The following SMYD3 variants were observed in gnomAD, a reference collection of about 807,000 sequenced individuals.
SMYD3 encodes SET and MYND domain containing 3, also known as histone-lysine N-methyltransferase SMYD3.
In SMYD3, 36 loss-of-function variants were observed where a neutral mutation model predicts 57.7. The ratio of observed to expected loss-of-function variants is 0.62; its 90% CI spans 0.48 to 0.82. SMYD3 has a LOEUF of 0.82. SMYD3 is among the 40% of genes least tolerant of loss of function. The probability of loss-of-function intolerance (pLI) is 0.00; values close to 1 mark genes in which losing one functional copy is unlikely to be tolerated. For synonymous variants in SMYD3, 211 were observed against 195.0 expected (o/e 1.08, Z -0.68); for missense variants, 515 against 538.8 (o/e 0.96, Z 0.44).
chr1:246,100,087 G>A (rs1411383450), intron 5 of SMYD3, among the ~76,000 whole-genome samples: 2 of 152,156 alleles, frequency 1.3e-5, no homozygotes, highest in African/African-American at 4.8e-5. Context: ...GGCTCATGCT[G>A]GTAGTCCCAG....
intron 5 of SMYD3, among the ~76,000 whole-genome samples, chr1:245,991,623 G>A (rs1270058121): frequency 1.3e-5 from 2 of 152,238 alleles, no homozygotes; most frequent in African/African-American, 4.8e-5. Context: ...TGTTTGCCAG[G>A]GGCTTGGGTT....
At chr1:245,903,116 T>C (rs2054302235) in intron 8 of SMYD3, among the ~76,000 whole-genome samples, 1 of 152,126 alleles carries the variant, frequency 6.6e-6, no homozygotes, top group Non-Finnish European at 1.5e-5. Flanking sequence ...CAGTTAATGA[T>C]CTGAATAAAT....
chr1:246,050,485 T>C (rs2060048449), intron 5 of SMYD3, among the ~76,000 whole-genome samples: 1 of 152,176 alleles, frequency 6.6e-6, no homozygotes, highest in Non-Finnish European at 1.5e-5. Flanking sequence ...TCTCTATCAC[T>C]GTTGAGGAAG....
chr1:246,423,360 G>C (rs1211153026), intron 1 of SMYD3, among the ~76,000 whole-genome samples: 1 of 151,726 alleles, frequency 6.6e-6, no homozygotes, highest in Non-Finnish European at 1.5e-5. Flanking sequence ...CAGAACAGAA[G>C]GTATTATAAG....
At chr1:246,010,048 G>A (rs1444736272) in intron 5 of SMYD3, among the ~76,000 whole-genome samples, 1 of 139,826 alleles carries the variant, frequency 7.2e-6, no homozygotes, top group African/African-American at 2.7e-5. Context: ...CTGGGAATGC[G>A]CCACTGCACT....
At chr1:245,795,803 C>T (rs1302916674) in intron 10 of SMYD3, among the ~76,000 whole-genome samples, 1 of 152,158 alleles carries the variant, frequency 6.6e-6, no homozygotes. Flanking sequence ...GCTCTTGTCC[C>T]CTCTCTCCCT....
intron 8 of SMYD3, among the ~76,000 whole-genome samples, chr1:245,884,460 TGAG>T (rs1162481364): frequency 1.3e-5 from 2 of 152,092 alleles, no homozygotes; most frequent in Non-Finnish European, 2.9e-5. Context: ...TAGACAAGCT[TGAG>T]GAGGCAGTGT....
chr1:246,456,506 C>CAT (rs1381437477), intron 1 of SMYD3, among the ~76,000 whole-genome samples: 2 of 152,210 alleles, frequency 1.3e-5, no homozygotes, highest in African/African-American at 4.8e-5. Flanking sequence ...CATACCTACT[C>CAT]ATCCACCAAC....
chr1:246,490,109 C>A (rs1038046841), intron 1 of SMYD3, among the ~76,000 whole-genome samples: 2 of 149,556 alleles, frequency 1.3e-5, no homozygotes, highest in Non-Finnish European at 3.0e-5. Flanking sequence ...AAAGTGCTGG[C>A]AGTATAGGCG....
intron 7 of SMYD3, among the ~76,000 whole-genome samples, chr1:245,916,688 A>G (rs2055448049): frequency 6.6e-6 from 1 of 152,120 alleles, no homozygotes; most frequent in African/African-American, 2.4e-5. Flanking sequence ...AGCCATCATT[A>G]CCTCTCACCT....
chr1:246,417,416 G>T (rs6673291), intron 1 of SMYD3: 1 of 151,936 alleles, frequency 6.6e-6, no homozygotes, highest in Non-Finnish European at 1.5e-5. Context: ...CCACCTCCTC[G>T]AAAGCTTGGA....
intron 8 of SMYD3, among the ~76,000 whole-genome samples, chr1:245,901,447 T>C (rs1053734286): frequency 1.2e-4 from 19 of 152,214 alleles, no homozygotes; most frequent in African/African-American, 4.6e-4. Context: ...ATGAAAAAGG[T>C]ATATGAGTAA....
At chr1:246,329,971 T>G (rs2065431494) in intron 4 of SMYD3, among the ~76,000 whole-genome samples, 1 of 152,176 alleles carries the variant, frequency 6.6e-6, no homozygotes, top group Admixed American at 6.5e-5. Flanking sequence ...TATGGGAAGC[T>G]TTTTAAGTCA....
At position 246,232,772 on chromosome 1, in the gene SMYD3, C is replaced by A. The variant is rs1485534873; in HGVS notation, c.531+94429G>T. ...AGAGGAGAAGCACTCCTTCAATCCA[C>A]ACTGTGATGAATATATACCACACAG... On this transcript the variant is annotated intron_variant, in intron 5 of 11. Transcript: ENST00000490107. 2.2e-5 allele frequency among the ~76,000 whole-genome samples: 3 copies of A among 134,952 alleles called. No homozygotes were observed. The Admixed American group carries it at 2.4e-4, about 11-fold the overall frequency. The allele number at this position is 134,952 out of a possible 152,430, so 88.5% of individuals were successfully genotyped here.
intron 10 of SMYD3, among the ~76,000 whole-genome samples, chr1:245,827,749 A>C (rs1257597000): frequency 6.6e-6 from 1 of 152,220 alleles, no homozygotes; most frequent in African/African-American, 2.4e-5. Flanking sequence ...TATGCAATCT[A>C]AGAGCTGGGT....
Position 245,943,991 on chromosome 1 carries a change from A to G in SMYD3, c.532-14054T>C, listed in dbSNP as rs184224034. On this transcript the variant is annotated intron_variant, in intron 5 of 11. Coordinates refer to ENST00000490107, the MANE Select transcript of SMYD3 (RefSeq NM_001167740.2). ...AGGTATTGAAGGAACATAACTCAAAAATATTAAGAGCCATATATGACAAAC... is the reference window on the plus strand; with the variant it reads ...AGGTATTGAAGGAACATAACTCAAAGATATTAAGAGCCATATATGACAAAC... Among the ~76,000 whole-genome samples, 899 of 152,274 alleles carry G rather than the reference A, an allele frequency of 5.9e-3. 8 individuals carry two copies. The highest frequency in any genetic ancestry group is 0.021 in the African/African-American group (858 of 41,556).
intron 5 of SMYD3, among the ~76,000 whole-genome samples, chr1:246,031,884 G>A (rs536833972): frequency 6.6e-6 from 1 of 152,216 alleles, no homozygotes; most frequent in East Asian, 1.9e-4. Context: ...ACAATATTTA[G>A]GCTGTAGAAA....
chr1:246,042,898 T>G (rs1009983150), intron 5 of SMYD3, among the ~76,000 whole-genome samples: 2 of 152,184 alleles, frequency 1.3e-5, no homozygotes, highest in African/African-American at 2.4e-5. Context: ...CTCATTTTGT[T>G]GAGGCTATTT....
intron 1 of SMYD3, among the ~76,000 whole-genome samples, chr1:246,434,900 G>A (rs1245315777): frequency 6.6e-6 from 1 of 152,118 alleles, no homozygotes; most frequent in South Asian, 2.1e-4. Flanking sequence ...ACTAACCTAG[G>A]TGTACATCAA....
Sources: gnomAD v4.1 joint callset for allele counts (sites outside exome capture counted in the v4.1 genomes callset) on GRCh38, gnomAD v4.1.1 for gene constraint, MANE v1.5 for transcripts, NCBI Gene and HGNC (gene_info 2026-07-23, HGNC 2026-07-21) for gene names.